Variants in PRLR observed in about 807,000 individuals in gnomAD.
The protein encoded by PRLR is hPRL receptor.
In PRLR, 13 loss-of-function variants were observed where a neutral mutation model predicts 40.2. The ratio of observed to expected loss-of-function variants is 0.32; its 90% CI spans 0.21 to 0.51. The LOEUF (loss-of-function observed/expected upper bound fraction) is 0.51, where lower values mean the gene tolerates loss of function less well. Among genes scored for constraint, PRLR ranks in the 20% least tolerant of loss-of-function variants. PRLR has a pLI of 0.97. For missense variants in PRLR, 656 were observed against 747.3 expected, an observed-to-expected ratio of 0.88 and a Z score of 1.42; for synonymous variants, 269 against 278.7, an observed-to-expected ratio of 0.97 and a Z score of 0.35.
intron 1 of PRLR, among the ~76,000 whole-genome samples, chr5:35,118,866 A>G (rs1773169490): frequency 6.6e-6 from 1 of 151,822 alleles, no homozygotes; most frequent in African/African-American, 2.4e-5. Flanking sequence ...GCTCACTGCA[A>G]CTTCAACCTC....
chr5:35,123,027 G>A (rs1773342680), intron 1 of PRLR, among the ~76,000 whole-genome samples: 1 of 152,176 alleles, frequency 6.6e-6, no homozygotes, highest in Non-Finnish European at 1.5e-5. Flanking sequence ...GTAAACACAA[G>A]CCCAGATGAG....
chr5:35,104,441 T>C (rs1425939715), intron 2 of PRLR, among the ~76,000 whole-genome samples: 1 of 151,954 alleles, frequency 6.6e-6, no homozygotes, highest in African/African-American at 2.4e-5. Context: ...ACCCGGGAAG[T>C]GTAAGGGGTC....
At chr5:35,076,571 G>T (rs1392940255) in intron 5 of PRLR, among the ~76,000 whole-genome samples, 1 of 152,196 alleles carries the variant, frequency 6.6e-6, no homozygotes, top group Non-Finnish European at 1.5e-5. Context: ...ACATCTGATT[G>T]GTGTACCTGA....
At chr5:35,097,905 A>T (rs1188307794) in intron 2 of PRLR, among the ~76,000 whole-genome samples, 1 of 152,186 alleles carries the variant, frequency 6.6e-6, no homozygotes, top group East Asian at 1.9e-4. Context: ...GCCTGAGCTC[A>T]AGCTGAGAGG....
chr5:35,204,397 C>T (rs1204312009), intron 1 of PRLR, among the ~76,000 whole-genome samples: 1 of 151,966 alleles, frequency 6.6e-6, no homozygotes, highest in Non-Finnish European at 1.5e-5. Context: ...GGGGATGGGC[C>T]GCTTTCCTAA....
intron 5 of PRLR, among the ~76,000 whole-genome samples, chr5:35,079,562 AC>A (rs923163446): frequency 1.3e-5 from 2 of 152,260 alleles, no homozygotes; most frequent in Admixed American, 1.3e-4. Context: ...AAAAGAGGAT[AC>A]ACAGAAATGG....
intron 1 of PRLR, among the ~76,000 whole-genome samples, chr5:35,122,886 C>T (rs141989303): frequency 2.0e-5 from 3 of 152,074 alleles, no homozygotes; most frequent in African/African-American, 7.2e-5. Context: ...AGGGGAATTA[C>T]AAAATCTTGA....
intron 3 of PRLR, among the ~76,000 whole-genome samples, chr5:35,087,655 G>T (rs1770943707): frequency 6.6e-6 from 1 of 152,100 alleles, no homozygotes; most frequent in South Asian, 2.1e-4. Flanking sequence ...CCCAGTTCCA[G>T]ACTGGATGCT....
intron 1 of PRLR, among the ~76,000 whole-genome samples, chr5:35,123,701 T>C (rs2111741185): frequency 6.6e-6 from 1 of 152,344 alleles, no homozygotes; most frequent in Admixed American, 6.5e-5. Context: ...TGTGTTCTGA[T>C]GTAAAACAAG....
intron 1 of PRLR, among the ~76,000 whole-genome samples, chr5:35,205,715 C>T (rs1188459308): frequency 6.6e-6 from 1 of 152,154 alleles, no homozygotes; most frequent in Non-Finnish European, 1.5e-5. Context: ...TTTATGTTCT[C>T]TATTTTGCCT....
intron 1 of PRLR, among the ~76,000 whole-genome samples, chr5:35,213,933 G>A (rs966260739): frequency 3.3e-5 from 5 of 152,198 alleles, no homozygotes; most frequent in Admixed American, 3.3e-4. Context: ...CCTTTGTCCA[G>A]GCTGAGGTGT....
At chr5:35,228,841 A>G (rs1776619221) in intron 1 of PRLR, among the ~76,000 whole-genome samples, 1 of 151,928 alleles carries the variant, frequency 6.6e-6, no homozygotes, top group African/African-American at 2.4e-5. Context: ...AGCAGCAAGG[A>G]GTTGGCTGGG....
At chr5:35,087,606 C>T (rs549794347) in intron 3 of PRLR, among the ~76,000 whole-genome samples, 6 of 152,032 alleles carry the variant, frequency 3.9e-5, no homozygotes, top group Non-Finnish European at 7.4e-5. Flanking sequence ...GCCAGCTCCT[C>T]TCCTGGTTCT....
At chr5:35,228,417 C>A (rs963663301) in intron 1 of PRLR, among the ~76,000 whole-genome samples, 1 of 152,048 alleles carries the variant, frequency 6.6e-6, no homozygotes, top group African/African-American at 2.4e-5. Context: ...ACCCAGGGTC[C>A]CCAGAGATGT....
At chr5:35,204,586 G>A (rs1430572596) in intron 1 of PRLR, among the ~76,000 whole-genome samples, 1 of 152,076 alleles carries the variant, frequency 6.6e-6, no homozygotes, top group African/African-American at 2.4e-5. Flanking sequence ...CAGTTTCAAA[G>A]GATTTCCTGG....
Position 35,154,837 on chromosome 5 carries a change from G to T in PRLR, c.-105-36715C>A, listed in dbSNP as rs191885145. ...AAAAAACGAGATCATGTCTTCTTCA[G>T]GGACATGGATGGAGCTGAAAGCCAT... On this transcript the variant is annotated intron_variant, in intron 1 of 9. Coordinates refer to ENST00000618457, the MANE Select transcript of PRLR (RefSeq NM_000949.7). Among the ~76,000 whole-genome samples, 59 of 152,246 alleles carry T rather than the reference G, an allele frequency of 3.9e-4. No individual in the cohort carries two copies. In the East Asian group the frequency reaches 0.011, roughly 28 times the overall value.
rs369370507 is a variant in PRLR at position 35,213,912 on chromosome 5, G to A, written c.-106+16356C>T. On this transcript the variant is annotated intron_variant, in intron 1 of 9. Transcript: ENST00000618457. ...CCAGTTCCTGCAGAGCACAGCTCCC[G>A]GTCCTGGAGGCCTTTGTCCAGGCTG... Among the ~76,000 whole-genome samples the A allele has an allele frequency of 1.2e-4, 19 of 152,280 alleles. No homozygotes were observed. In the South Asian group the frequency reaches 2.3e-3, roughly 18 times the overall value.
chr5:35,228,988 G>C (rs1776623263), intron 1 of PRLR, among the ~76,000 whole-genome samples: 1 of 151,932 alleles, frequency 6.6e-6, no homozygotes. Flanking sequence ...CCAGGAAGAG[G>C]ACTCACAGCT....
chr5:35,164,817 C>G (rs746164598), intron 1 of PRLR, among the ~76,000 whole-genome samples: 1 of 152,054 alleles, frequency 6.6e-6, no homozygotes, highest in Non-Finnish European at 1.5e-5. Context: ...AGGATGGTAG[C>G]GGTGGAACTG....
Sources: allele counts gnomAD v4.1 joint callset (sites outside exome capture counted in the v4.1 genomes callset), GRCh38; gene constraint gnomAD v4.1.1; transcripts MANE v1.5; gene names NCBI Gene and HGNC (gene_info 2026-07-23, HGNC 2026-07-21).